GLIS3: variants seen among roughly 807,000 people sequenced by gnomAD.
The protein encoded by GLIS3 is GLIS family zinc finger 3, also known as zinc finger protein GLIS3.
Under a neutral mutation model 78.6 loss-of-function variants are expected in GLIS3, and 53 were observed. That is an observed-to-expected ratio of 0.67 (90% confidence interval 0.54 to 0.85). The LOEUF is 0.85. Ranked by LOEUF, GLIS3 falls within the 40% of genes least tolerant of loss-of-function variation. GLIS3 has a pLI of 0.00. For missense variants in GLIS3, 1,703 were observed against 1,231.1 expected, an observed-to-expected ratio of 1.38 and a Z score of -5.74; for synonymous variants, 684 against 509.9, an observed-to-expected ratio of 1.34 and a Z score of -4.60.
At chr9:3,961,454 C>T (rs1458493891) in intron 4 of GLIS3, among the ~76,000 whole-genome samples, 2 of 152,182 alleles carry the variant, frequency 1.3e-5, no homozygotes, top group Non-Finnish European at 2.9e-5. Flanking sequence ...TCATGGAAGT[C>T]AGGTGGAATT....
chr9:4,045,406 G>A (rs1825163947), intron 4 of GLIS3, among the ~76,000 whole-genome samples: 1 of 151,928 alleles, frequency 6.6e-6, no homozygotes, highest in Admixed American at 6.6e-5. Context: ...TGCGATCTCG[G>A]CTCACTGCAT....
the GLIS3 span, among the ~76,000 whole-genome samples, chr9:4,396,362 C>G: frequency 1.4e-4 from 21 of 152,148 alleles, no homozygotes; most frequent in Non-Finnish European, 2.4e-4. Flanking sequence ...ACTCCTGACT[C>G]AAGTGATCTG....
At chr9:4,342,938 T>C (rs1282180881) in intron 2 of GLIS3, among the ~76,000 whole-genome samples, 1 of 152,262 alleles carries the variant, frequency 6.6e-6, no homozygotes, top group African/African-American at 2.4e-5. Flanking sequence ...TTTTGTACAC[T>C]GGTTTTGTAT....
intron 2 of GLIS3, among the ~76,000 whole-genome samples, chr9:4,326,090 T>G (rs12346560): frequency 0.32 from 48,378 of 151,852 alleles, 8,366 homozygotes; most frequent in African/African-American, 0.48. Context: ...GAAGAACAGC[T>G]AATGGACGCT....
At chr9:4,106,047 C>G (rs961425970) in intron 4 of GLIS3, among the ~76,000 whole-genome samples, 2 of 152,140 alleles carry the variant, frequency 1.3e-5, no homozygotes, top group African/African-American at 2.4e-5. Context: ...TTGGAGCTTT[C>G]AGAAACAAAC....
chr9:4,131,714 TG>T (rs1300978226), intron 2 of GLIS3, among the ~76,000 whole-genome samples: 1 of 152,164 alleles, frequency 6.6e-6, no homozygotes, highest in African/African-American at 2.4e-5. Context: ...CTCTTTTCTT[TG>T]TAAATTACCC....
At chr9:4,428,111 T>C in the GLIS3 span, among the ~76,000 whole-genome samples, 1 of 152,066 alleles carries the variant, frequency 6.6e-6, no homozygotes, top group East Asian at 1.9e-4. Context: ...GAGGAGGCCA[T>C]GGGAGTTTCA....
Position 3,964,834 on chromosome 9 carries a change from G to T in GLIS3, c.1711-27645C>A, listed in dbSNP as rs997295838. Reference sequence around the variant, plus strand: ...AGGTAATGCTTTTTAAGGAAATTATGGTGCTCAAAAATTGTAAATAGTGAA... The same window carrying T: ...AGGTAATGCTTTTTAAGGAAATTATTGTGCTCAAAAATTGTAAATAGTGAA... On this transcript the variant is annotated intron_variant, in intron 4 of 10. Coordinates refer to ENST00000381971, the MANE Select transcript of GLIS3 (RefSeq NM_001042413.2). Among the ~76,000 whole-genome samples, 13 of 152,230 alleles carry T rather than the reference G, an allele frequency of 8.5e-5. No homozygotes were observed. In the East Asian group the frequency reaches 2.5e-3, roughly 29 times the overall value.
At chr9:4,117,420 G>T (rs975564214) in intron 4 of GLIS3, among the ~76,000 whole-genome samples, 6 of 152,196 alleles carry the variant, frequency 3.9e-5, no homozygotes, top group Non-Finnish European at 7.3e-5. Flanking sequence ...AAGAACTAAA[G>T]CTTGCTGATG....
chr9:4,133,831 C>CAT (rs1833162796), intron 2 of GLIS3, among the ~76,000 whole-genome samples: 1 of 45,766 alleles, frequency 2.2e-5, no homozygotes, highest in Non-Finnish European at 4.3e-5. Context: ...CTTCTACACA[C>CAT]ACACACACAC....
intron 2 of GLIS3, among the ~76,000 whole-genome samples, chr9:4,274,607 T>C (rs1376198991): frequency 2.0e-5 from 3 of 152,294 alleles, no homozygotes; most frequent in Non-Finnish European, 2.9e-5. Context: ...ACACATTAAC[T>C]GCTCCAGTAT....
At chr9:4,396,188 C>A in the GLIS3 span, among the ~76,000 whole-genome samples, 1 of 152,006 alleles carries the variant, frequency 6.6e-6, no homozygotes. Context: ...TCTCAGCTCA[C>A]TGCAAACTCT....
the GLIS3 span, among the ~76,000 whole-genome samples, chr9:4,461,465 T>C: frequency 3.9e-5 from 6 of 152,198 alleles, no homozygotes; most frequent in Non-Finnish European, 8.8e-5. Context: ...GTTTATGGGA[T>C]AGATTTCTCA....
intron 2 of GLIS3, among the ~76,000 whole-genome samples, chr9:4,238,498 C>A (rs1822990891): frequency 6.6e-6 from 1 of 152,134 alleles, no homozygotes; most frequent in Admixed American, 6.5e-5. Context: ...TTAAAAAGTG[C>A]CAAATATGCC....
At chr9:4,033,779 G>T (rs1004318860) in intron 4 of GLIS3, among the ~76,000 whole-genome samples, 4 of 144,080 alleles carry the variant, frequency 2.8e-5, no homozygotes, top group African/African-American at 1.0e-4. Flanking sequence ...ATGAATGCCA[G>T]CTATTTAAGA....
intron 8 of GLIS3, among the ~76,000 whole-genome samples, chr9:3,876,133 TC>T (rs1473798162): frequency 6.6e-6 from 1 of 152,156 alleles, no homozygotes; most frequent in Non-Finnish European, 1.5e-5. Context: ...TATGTGGTAT[TC>T]CCACCAAAAA....
chr9:4,319,278 C>G (rs973085494), intron 2 of GLIS3, among the ~76,000 whole-genome samples: 1 of 151,970 alleles, frequency 6.6e-6, no homozygotes. Context: ...TTAGGGGCAA[C>G]ATTCTAAAAT....
chr9:4,253,879 C>T (rs1824651424), intron 2 of GLIS3, among the ~76,000 whole-genome samples: 1 of 152,180 alleles, frequency 6.6e-6, no homozygotes, highest in Non-Finnish European at 1.5e-5. Context: ...TGACCCCTTG[C>T]ACTTCCCGGG....
intron 2 of GLIS3, among the ~76,000 whole-genome samples, chr9:4,246,170 A>T (rs1486631377): frequency 6.6e-6 from 1 of 152,170 alleles, no homozygotes; most frequent in Non-Finnish European, 1.5e-5. Context: ...GCCAGCCTGG[A>T]CAGCATGATG....
Sources: gnomAD v4.1 joint callset for allele counts (sites outside exome capture counted in the v4.1 genomes callset) on GRCh38, gnomAD v4.1.1 for gene constraint, MANE v1.5 for transcripts, NCBI Gene and HGNC (gene_info 2026-07-23, HGNC 2026-07-21) for gene names.